Variants in SH3BP4 observed in about 807,000 individuals in gnomAD.
SH3BP4 encodes SH3 domain binding protein 4, also known as SH3 domain-binding protein 4.
In SH3BP4, 33 loss-of-function variants were observed where a neutral mutation model predicts 65.5. That is an observed-to-expected ratio of 0.50 (90% CI 0.38 to 0.67). SH3BP4 has a LOEUF of 0.67. SH3BP4 is among the 30% of genes least tolerant of loss of function. The pLI, the probability that SH3BP4 is intolerant of heterozygous loss-of-function variation, is 0.00. For missense variants in SH3BP4, 1,134 were observed against 1,261.4 expected (o/e 0.90, Z 1.53); for synonymous variants, 552 against 545.5 (o/e 1.01, Z -0.17).
At position 235,037,369 on chromosome 2, in the gene SH3BP4, A is replaced by G. The variant is rs539392605; in HGVS notation, c.118+2249A>G. On this transcript the variant is annotated intron_variant, in intron 3 of 5. Transcript: ENST00000392011. ...CAGTCCACCTCCCTAGGGTTCTGGA[A>G]AGGAAGAGTGGGGTGATTTCCCTTG... Among the ~76,000 whole-genome samples, 7 of 152,258 alleles carry G rather than the reference A, an allele frequency of 4.6e-5. No homozygotes were observed. In the South Asian group the frequency reaches 1.5e-3, roughly 32 times the overall value.
intron 2 of SH3BP4, among the ~76,000 whole-genome samples, chr2:234,999,122 G>A (rs1263483068): frequency 6.6e-6 from 1 of 152,218 alleles, no homozygotes; most frequent in East Asian, 1.9e-4. Flanking sequence ...CCGAAGGGAA[G>A]CTGGGGAATC....
chr2:235,025,769 A>G (rs775911690), intron 2 of SH3BP4, among the ~76,000 whole-genome samples: 1 of 152,230 alleles, frequency 6.6e-6, no homozygotes. Flanking sequence ...AGAGCTAGGA[A>G]AAGAGGTGGA....
intron 1 of SH3BP4, among the ~76,000 whole-genome samples, chr2:234,970,627 C>T (rs532414374): frequency 9.2e-5 from 14 of 152,338 alleles, no homozygotes; most frequent in African/African-American, 3.1e-4. Flanking sequence ...AACAGTGAGT[C>T]ACCCTCCTTT....
intron 1 of SH3BP4, among the ~76,000 whole-genome samples, chr2:234,969,565 G>T (rs1021480236): frequency 3.3e-5 from 5 of 151,474 alleles, no homozygotes; most frequent in African/African-American, 1.2e-4. Context: ...TGAAAACACA[G>T]ATCTGATCGT....
chr2:234,957,885 C>A (rs1412921558), intron 1 of SH3BP4, among the ~76,000 whole-genome samples: 1 of 152,082 alleles, frequency 6.6e-6, no homozygotes, highest in East Asian at 1.9e-4. Context: ...TCCTTAAGGC[C>A]TCGTAGAGGG....
In SH3BP4 at chr2:235,043,977, G is replaced by A. The variant is rs535221824; in HGVS notation, c.2478+730G>A. Among the ~76,000 whole-genome samples, 18 of 152,362 alleles carry A rather than the reference G, an allele frequency of 1.2e-4. No homozygotes were observed. In the East Asian group the frequency reaches 3.5e-3, roughly 29 times the overall value. Reference sequence around the variant, plus strand: ...AAGAGGGTCCCAGAATGGACCAGATGCGGGTGGGGGCAGAAGGCGGCCTGT... The same window carrying A: ...AAGAGGGTCCCAGAATGGACCAGATACGGGTGGGGGCAGAAGGCGGCCTGT... On this transcript the variant is annotated intron_variant, in intron 4 of 5. Coordinates refer to ENST00000392011, the MANE Select transcript of SH3BP4 (RefSeq NM_014521.3).
chr2:234,961,725 G>A (rs1692719477), intron 1 of SH3BP4, among the ~76,000 whole-genome samples: 1 of 152,176 alleles, frequency 6.6e-6, no homozygotes, highest in Non-Finnish European at 1.5e-5. Flanking sequence ...GAGTGTAAGG[G>A]TTTGATATTC....
intron 2 of SH3BP4, among the ~76,000 whole-genome samples, chr2:235,007,521 A>G (rs1291420985): frequency 6.6e-6 from 1 of 152,180 alleles, no homozygotes; most frequent in Non-Finnish European, 1.5e-5. Context: ...TGCAGTGCCC[A>G]GGACAGCCCA....
intron 1 of SH3BP4, among the ~76,000 whole-genome samples, chr2:234,980,096 A>G (rs1163649126): frequency 6.6e-6 from 1 of 152,186 alleles, no homozygotes; most frequent in Non-Finnish European, 1.5e-5. Context: ...CTTGAGGTTC[A>G]TCTGTGTTGA....
At chr2:235,031,419 G>A (rs189178137) in intron 2 of SH3BP4, among the ~76,000 whole-genome samples, 7 of 152,206 alleles carry the variant, frequency 4.6e-5, no homozygotes, top group Non-Finnish European at 7.3e-5. Context: ...CTCCCAGGGC[G>A]CTGGAGGCCA....
intron 1 of SH3BP4, among the ~76,000 whole-genome samples, chr2:234,987,780 G>C (rs1342063412): frequency 6.6e-6 from 1 of 152,188 alleles, no homozygotes; most frequent in Non-Finnish European, 1.5e-5. Flanking sequence ...AAGTGATTGG[G>C]CAGTGAGTTG....
chr2:234,958,878 C>T (rs1210128338), intron 1 of SH3BP4, among the ~76,000 whole-genome samples: 1 of 151,874 alleles, frequency 6.6e-6, no homozygotes, highest in African/African-American at 2.4e-5. Context: ...AGAAATTGGA[C>T]CGTATTTGAT....
intron 1 of SH3BP4, among the ~76,000 whole-genome samples, chr2:234,987,803 T>A (rs1420395465): frequency 6.6e-6 from 1 of 152,126 alleles, no homozygotes; most frequent in Non-Finnish European, 1.5e-5. Context: ...AAAGTCAAAG[T>A]CTAGAAGAAT....
chr2:234,972,165 T>C (rs1693021914), intron 1 of SH3BP4, among the ~76,000 whole-genome samples: 1 of 143,926 alleles, frequency 6.9e-6, no homozygotes, highest in African/African-American at 2.6e-5. Flanking sequence ...AGTGTCTCAA[T>C]CTGTCGCCCA....
Position 235,038,307 on chromosome 2 carries a change from A to AC in SH3BP4, c.119-2581_119-2580insC, listed in dbSNP as rs200102324. Among the ~76,000 whole-genome samples, 15 of 14,220 alleles carry AC rather than the reference A, an allele frequency of 1.1e-3. 1 individual carries two copies. The highest frequency in any genetic ancestry group is 8.2e-3 in the South Asian group (3 of 364). 9.3% of individuals were successfully genotyped at this position (14,220 alleles called of 152,430 possible). A position where few individuals can be genotyped will look rare whatever the true frequency, so the allele number is the denominator to read the frequency against. The stretch of plus-strand genomic sequence containing the variant: ...TATATATAATATATATATTATATAT[A>AC]TATATTATATATTATATATATATTA... On this transcript the variant is annotated intron_variant, in intron 3 of 5. Coordinates refer to ENST00000392011, the MANE Select transcript of SH3BP4 (RefSeq NM_014521.3).
chr2:235,042,457 A>G lies in SH3BP4; in HGVS notation c.1688A>G (p.Gln563Arg), dbSNP rs1559257667. Residue 563 changes from glutamine (Q) to arginine (R), a missense_variant, in exon 4 of 6, where the codon CAG becomes CGG. By Grantham distance (43) the Gln-to-Arg change is conservative. Transcript: ENST00000392011. This position sits in a 1 kb window ranked among gnomAD's most constrained non-coding sequence, Gnocchi z 7.3. Reference sequence around the variant, plus strand: ...CAGGCCAAAGTGGTGCGAGGATTCCAGCTGAAGCTGGGCAAGGTGAGCCGC... The same window carrying G: ...CAGGCCAAAGTGGTGCGAGGATTCCGGCTGAAGCTGGGCAAGGTGAGCCGC... ...SEQAKVVRGFQLKLGKVSRLI... is the reference protein window; with the variant it reads ...SEQAKVVRGFRLKLGKVSRLI... 6.2e-7 allele frequency: 1 copy of G among 1,614,168 alleles called. No individual in the cohort carries two copies. The highest frequency in any genetic ancestry group is 8.5e-7 in the Non-Finnish European group (1 of 1,180,024).
rs1693970531 is a variant in SH3BP4 at position 234,997,841 on chromosome 2, G to C, written c.-133+2465G>C. ...AGAGGGTGATTAAGAAGAATCAGAA[G>C]ACTGGGTGCGGTGGCTCATGCCTGT... On this transcript the variant is annotated intron_variant, in intron 2 of 5. Transcript: ENST00000392011. The surrounding 1 kb of genome is among the most constrained non-coding windows in gnomAD (Gnocchi z 4.2). Among the ~76,000 whole-genome samples the C allele has an allele frequency of 6.6e-6, 1 of 152,234 alleles. No homozygotes were observed. Among genetic ancestry groups the C allele is most frequent in the South Asian group, 2.1e-4 (1 of 4,832 alleles).
intron 1 of SH3BP4, among the ~76,000 whole-genome samples, chr2:234,963,776 C>T (rs1018529811): frequency 3.8e-4 from 58 of 152,246 alleles, no homozygotes; most frequent in African/African-American, 1.3e-3. Context: ...AGGGTCATGT[C>T]GTCATGGGTG....
rs946005028 is a variant in SH3BP4, at chr2:235,045,088, C to T, written c.2478+1841C>T. On this transcript the variant is annotated intron_variant, in intron 4 of 5. Transcript: ENST00000392011. This position sits in a 1 kb window ranked among gnomAD's most constrained non-coding sequence, Gnocchi z 4.3. ...CCATGTGTGATTCAGAGCACACCTC[C>T]TGGCTCTCCAGAACCTGGTGCCGGG... Among the ~76,000 whole-genome samples the T allele has an allele frequency of 6.6e-6, 1 of 152,220 alleles. No individual in the cohort carries two copies. The highest frequency in any genetic ancestry group is 1.5e-5 in the Non-Finnish European group (1 of 68,046).
Sources: gnomAD v4.1 joint callset for allele counts (sites outside exome capture counted in the v4.1 genomes callset) on GRCh38, gnomAD v4.1.1 for gene constraint, Gnocchi (gnomAD v3.1) non-coding constraint, MANE v1.5 for transcripts, NCBI Gene and HGNC (gene_info 2026-07-23, HGNC 2026-07-21) for gene names.